Variants in FAT4 observed in about 807,000 individuals in gnomAD.
FAT4 encodes the protein protocadherin Fat 4.
In FAT4, 84 loss-of-function variants were observed where a neutral mutation model predicts 303.9. The observed-to-expected ratio is 0.28, with a 90% confidence interval of 0.23 to 0.33. The LOEUF (loss-of-function observed/expected upper bound fraction) is 0.33. Ranked by LOEUF, FAT4 falls within the 10% of genes least tolerant of loss-of-function variation. FAT4 has a pLI of 1.00. For missense variants in FAT4, 6,005 were observed against 6,146.8 expected (o/e 0.98, Z 0.77); for synonymous variants, 2,307 against 2,298.8 (o/e 1.00, Z -0.10).
At chr4:125,440,624 A>AGAGAGAGAGC (rs965646307) in intron 8 of FAT4, among the ~76,000 whole-genome samples, 3 of 146,628 alleles carry the variant, frequency 2.0e-5, no homozygotes, top group African/African-American at 7.4e-5. Flanking sequence ...AGAGAGAGAG[A>AGAGAGAGAGC]GAGAGAGAGA....
intron 2 of FAT4, among the ~76,000 whole-genome samples, chr4:125,378,464 A>T (rs1043015883): frequency 1.3e-5 from 2 of 152,146 alleles, no homozygotes; most frequent in African/African-American, 4.8e-5. Flanking sequence ...TAAAAATCAG[A>T]TGTAATTTCA....
intron 2 of FAT4, among the ~76,000 whole-genome samples, chr4:125,369,003 C>G (rs541883493): frequency 2.0e-5 from 3 of 152,242 alleles, no homozygotes; most frequent in African/African-American, 7.2e-5. Context: ...TCTTAGAATA[C>G]TTTAAGAATG....
rs201257189 is a variant in FAT4 at position 125,448,825 on chromosome 4, C to G, written c.7815C>G (p.Ile2605Met). The G allele has an allele frequency of 1.9e-6, 3 of 1,608,708 alleles. No individual in the cohort carries two copies. The highest frequency in any genetic ancestry group is 1.3e-5 in the African/African-American group (1 of 74,882). ...GAGGAGAACCTATGTCATATTATAT[C>G]GCAAGTGGGAATCTTGGCAATACTT... is the stretch of plus-strand genomic sequence containing the variant. ...SLRGEPMSYY[I>M]ASGNLGNTFQ... The change falls in exon 10 of 18, where the codon ATC becomes ATG. Residue 2605 changes from isoleucine to methionine, a missense_variant. Ile to Met is a conservative substitution (Grantham distance 10, BLOSUM62 1). Coordinates refer to ENST00000394329, the MANE Select transcript of FAT4 (RefSeq NM_001291303.3).
intron 2 of FAT4, among the ~76,000 whole-genome samples, chr4:125,361,621 T>A (rs557046482): frequency 6.6e-6 from 1 of 152,280 alleles, no homozygotes; most frequent in Admixed American, 6.5e-5. Flanking sequence ...CAATTAATTT[T>A]AAAATTGTGA....
At chr4:125,424,586 T>C (rs951983727) in intron 7 of FAT4, among the ~76,000 whole-genome samples, 9 of 152,212 alleles carry the variant, frequency 5.9e-5, no homozygotes, top group African/African-American at 2.2e-4. Context: ...TATGGGCTTA[T>C]TGATATTTAA....
At chr4:125,354,490 C>G (rs928258359) in intron 2 of FAT4, among the ~76,000 whole-genome samples, 3 of 151,672 alleles carry the variant, frequency 2.0e-5, no homozygotes, top group Admixed American at 1.3e-4. Flanking sequence ...TGAACACGCT[C>G]TCACTCTGAT....
intron 10 of FAT4, among the ~76,000 whole-genome samples, chr4:125,454,019 G>A (rs888037255): frequency 1.3e-5 from 2 of 152,084 alleles, no homozygotes; most frequent in Admixed American, 1.3e-4. Context: ...ATAAGTTCGA[G>A]GAGAGCAAAA....
intron 2 of FAT4, among the ~76,000 whole-genome samples, chr4:125,365,647 T>C (rs551580979): frequency 4.6e-5 from 7 of 152,290 alleles, no homozygotes; most frequent in African/African-American, 1.7e-4. Flanking sequence ...GACTGCTGTT[T>C]AAACAAGATC....
intron 4 of FAT4, 77 bp downstream of exon 4, chr4:125,407,218 C>T: frequency 7.6e-7 from 1 of 1,320,258 alleles, no homozygotes; most frequent in South Asian, 1.4e-5. Flanking sequence ...TTCGGCTGCT[C>T]TTAATCAATG....
chr4:125,484,308 A>G (rs1361284338), intron 16 of FAT4, among the ~76,000 whole-genome samples: 1 of 152,176 alleles, frequency 6.6e-6, no homozygotes, highest in Non-Finnish European at 1.5e-5. Flanking sequence ...GCAAAAGGAA[A>G]GCATAATTGT....
chr4:125,466,172 A>G (rs17009734), intron 11 of FAT4, among the ~76,000 whole-genome samples: 3,801 of 152,280 alleles, frequency 0.025, 166 homozygotes, highest in African/African-American at 0.088. Flanking sequence ...TGCTTCAGAC[A>G]TTATAAAGGC....
Position 125,434,389 on chromosome 4 carries a change from C to T in FAT4, c.7163C>T (p.Ala2388Val), listed in dbSNP as rs370391156. The T allele has an allele frequency of 9.9e-6, 16 of 1,614,004 alleles. No homozygotes were observed. In the South Asian group the frequency reaches 1.8e-4, roughly 18 times the overall value. Residue 2388 changes from alanine (A) to valine (V), a missense_variant, in exon 8 of 18, where the codon GCC becomes GTC. Transcript: ENST00000394329. ...PTGTDVLLVN[A>V]SDADASKNAV... ...GGAACAGATGTTTTATTGGTAAATG[C>T]CTCAGATGCTGATGCTTCAAAGAAT...
intron 3 of FAT4, among the ~76,000 whole-genome samples, chr4:125,404,266 T>A (rs1334752452): frequency 1.3e-5 from 2 of 151,770 alleles, no homozygotes; most frequent in Non-Finnish European, 1.5e-5. Flanking sequence ...CCAACTGTAT[T>A]CACAATCTGC....
chr4:125,318,694 G>T lies in FAT4; in HGVS notation c.2283G>T (p.Leu761Phe), dbSNP rs749643997. Residue 761 changes from leucine (L) to phenylalanine (F), a missense_variant, in exon 2 of 18, where the codon TTG (leucine) becomes TTT (phenylalanine). Coordinates refer to ENST00000394329, the MANE Select transcript of FAT4 (RefSeq NM_001291303.3). ...GAGAAGAAAAAACAGCTTATCAGTT[G>T]CAAATAGTAGCTACTGATGGTGGCA... is the stretch of plus-strand genomic sequence containing the variant. ...LDREEKTAYQ[L>F]QIVATDGGNL... The T allele has an allele frequency of 1.2e-6, 2 of 1,614,066 alleles. No homozygotes were observed. Among genetic ancestry groups the T allele is most frequent in the Middle Eastern group, 1.7e-4 (1 of 6,060 alleles).
In FAT4 at chr4:125,491,813, C is replaced by A. The variant is rs1284972971; in HGVS notation, c.*45C>A. 6.6e-6 allele frequency: 10 copies of A among 1,510,182 alleles called. No homozygotes were observed. Among genetic ancestry groups the A allele is most frequent in the Non-Finnish European group, 8.9e-6 (10 of 1,129,216 alleles). 93.5% of individuals were successfully genotyped at this position (1,510,182 alleles called of 1,614,324 possible). On this transcript the variant is annotated 3_prime_UTR_variant, in exon 18 of 18. Transcript: ENST00000394329. The stretch of plus-strand genomic sequence containing the variant: ...TAAAATATAAAAACAAGAAATAATA[C>A]TCAAACCATTGTAAAGTTGCTGACT...
At chr4:125,394,066 C>T (rs1190030137) in intron 2 of FAT4, 1 of 758,894 alleles carries the variant, frequency 1.3e-6, no homozygotes, top group Non-Finnish European at 2.5e-6. Flanking sequence ...AAACCACACA[C>T]ATTTTTAAAG....
intron 11 of FAT4, among the ~76,000 whole-genome samples, chr4:125,466,032 T>C (rs1472540490): frequency 6.6e-6 from 1 of 152,182 alleles, no homozygotes; most frequent in Non-Finnish European, 1.5e-5. Context: ...AACTTTATCA[T>C]TTTGAAGTTA....
chr4:125,367,751 T>A (rs978294255), intron 2 of FAT4, among the ~76,000 whole-genome samples: 42 of 152,300 alleles, frequency 2.8e-4, no homozygotes, highest in African/African-American at 1.0e-3. Flanking sequence ...TTGCCATTTT[T>A]AATCAGATAT....
Position 125,449,748 on chromosome 4 carries a change from T to G in FAT4, c.8738T>G (p.Ile2913Arg), listed in dbSNP as rs776820594. Reference sequence around the variant, plus strand: ...TCAAATGGACAAGTGTTTTATTTCATAAAATCCCAATCAGAATATTTCAGG... The same window carrying G: ...TCAAATGGACAAGTGTTTTATTTCAGAAAATCCCAATCAGAATATTTCAGG... Reference protein sequence around the residue: ...EGSNGQVFYFIKSQSEYFRIN... With the variant: ...EGSNGQVFYFRKSQSEYFRIN... Residue 2913 changes from isoleucine to arginine, a missense_variant, in exon 10 of 18, where the codon ATA becomes AGA. Coordinates refer to ENST00000394329, the MANE Select transcript of FAT4 (RefSeq NM_001291303.3). 1.5e-5 allele frequency: 25 copies of G among 1,613,656 alleles called. No homozygotes were observed. The highest frequency in any genetic ancestry group is 3.3e-5 in the Admixed American group (2 of 59,970).
Sources: allele counts gnomAD v4.1 joint callset (sites outside exome capture counted in the v4.1 genomes callset), GRCh38; gene constraint gnomAD v4.1.1; transcripts MANE v1.5; gene names NCBI Gene and HGNC (gene_info 2026-07-23, HGNC 2026-07-21).